TRAPPC9: variants seen among roughly 807,000 people sequenced by gnomAD.
TRAPPC9 encodes IKK2 binding protein.
A neutral mutation model predicts 124.0 loss-of-function variants in TRAPPC9; 83 were observed. The observed-to-expected ratio is 0.67, with a 90% CI of 0.56 to 0.80. The LOEUF (loss-of-function observed/expected upper bound fraction) is 0.80, where lower values mean the gene tolerates loss of function less well. Ranked by LOEUF, TRAPPC9 falls within the 30% of genes least tolerant of loss-of-function variation. The probability of loss-of-function intolerance (pLI) is 0.00; values close to 1 mark genes in which losing one functional copy is unlikely to be tolerated. For missense variants in TRAPPC9, 1,302 were observed against 1,508.3 expected (o/e 0.86, Z 2.27); for synonymous variants, 638 against 617.5 (o/e 1.03, Z -0.49).
intron 19 of TRAPPC9, chr8:139,932,621 A>G (rs1833254039): frequency 2.4e-6 from 1 of 422,758 alleles, no homozygotes; most frequent in African/African-American, 2.0e-5. Flanking sequence ...AAAATTAGCC[A>G]GGTGTGTTGG....
intron 17 of TRAPPC9, among the ~76,000 whole-genome samples, chr8:140,077,096 G>T (rs979777527): frequency 1.3e-5 from 2 of 151,996 alleles, no homozygotes; most frequent in Non-Finnish European, 2.9e-5. Flanking sequence ...AACCCAGGAG[G>T]TAAAGGATAC....
intron 21 of TRAPPC9, among the ~76,000 whole-genome samples, chr8:139,786,750 T>C (rs1422968971): frequency 6.6e-6 from 1 of 152,156 alleles, no homozygotes; most frequent in African/African-American, 2.4e-5. Context: ...TACCGGGACA[T>C]GCAAAAACAT....
At chr8:140,443,829 G>A (rs1311254170) in intron 2 of TRAPPC9, among the ~76,000 whole-genome samples, 1 of 151,772 alleles carries the variant, frequency 6.6e-6, no homozygotes, top group Non-Finnish European at 1.5e-5. Flanking sequence ...CTGAGGTCAG[G>A]AGTTTGAGAC....
intron 17 of TRAPPC9, among the ~76,000 whole-genome samples, chr8:140,053,567 T>C (rs1025029238): frequency 8.8e-6 from 1 of 113,218 alleles, no homozygotes; most frequent in African/African-American, 3.4e-5. Context: ...TGTAGATCTG[T>C]TAGGAACATT....
intron 21 of TRAPPC9, among the ~76,000 whole-genome samples, chr8:139,820,885 C>T (rs1825210086): frequency 6.6e-6 from 1 of 152,024 alleles, no homozygotes; most frequent in African/African-American, 2.4e-5. Context: ...AAATGAATTC[C>T]AGATGTTTTA....
rs1588026804 is a variant in TRAPPC9 at position 140,257,594 on chromosome 8, C to A, written c.2279-4665G>T. 6.6e-6 allele frequency among the ~76,000 whole-genome samples: 1 copy of A among 152,190 alleles called. No homozygotes were observed. Among genetic ancestry groups the A allele is most frequent in the Admixed American group, 6.5e-5 (1 of 15,272 alleles). On this transcript the variant is annotated intron_variant, in intron 15 of 22. Coordinates refer to ENST00000438773, the MANE Select transcript of TRAPPC9 (RefSeq NM_001160372.4). The surrounding 1 kb of genome is among the most constrained non-coding windows in gnomAD (Gnocchi z 4.6). ...GACATCTGGTGACACCTCCAATAGA[C>A]TCCTAGCATGGGGGGTCCCTGAATA...
intron 17 of TRAPPC9, among the ~76,000 whole-genome samples, chr8:140,108,237 G>A (rs2060702891): frequency 6.6e-6 from 1 of 152,160 alleles, no homozygotes; most frequent in Non-Finnish European, 1.5e-5. Flanking sequence ...TTAGTTATTT[G>A]GAAAACCAGA....
At chr8:140,072,559 GAGGAGGAGAAAGGA>G (rs1421657070) in intron 17 of TRAPPC9, among the ~76,000 whole-genome samples, 2 of 36,110 alleles carry the variant, frequency 5.5e-5, no homozygotes, top group East Asian at 9.3e-4. Flanking sequence ...AGAGGAGGAG[GAGGAGGAGAAAGGA>G]AGGAGGAGGA....
At position 139,881,709 on chromosome 8, in the gene TRAPPC9, T is replaced by C. The variant is rs186774613; in HGVS notation, c.3055+4170A>G. Among the ~76,000 whole-genome samples, 6 of 151,372 alleles carry C rather than the reference T, an allele frequency of 4.0e-5. No homozygotes were observed. The South Asian group carries it at 8.3e-4, about 21-fold the overall frequency. The stretch of plus-strand genomic sequence containing the variant: ...AGAAAAAAACAGCTGGCCTACCAAC[T>C]GCTAACCATCTCTCTATGCCATGCA... On this transcript the variant is annotated intron_variant, in intron 21 of 22. Coordinates refer to ENST00000438773, the MANE Select transcript of TRAPPC9 (RefSeq NM_001160372.4).
chr8:139,983,220 T>C (rs533194328), intron 19 of TRAPPC9, among the ~76,000 whole-genome samples: 1 of 152,238 alleles, frequency 6.6e-6, no homozygotes, highest in African/African-American at 2.4e-5. Context: ...CCACAGAATC[T>C]GCCCAGCGTC....
At chr8:139,944,974 A>G (rs1459856556) in intron 19 of TRAPPC9, among the ~76,000 whole-genome samples, 3 of 152,124 alleles carry the variant, frequency 2.0e-5, no homozygotes, top group Non-Finnish European at 4.4e-5. Context: ...AATACAAAAA[A>G]TTAGCTGGGT....
At chr8:140,233,348 G>T (rs1208698175) in intron 16 of TRAPPC9, among the ~76,000 whole-genome samples, 1 of 152,022 alleles carries the variant, frequency 6.6e-6, no homozygotes, top group Non-Finnish European at 1.5e-5. Flanking sequence ...GGGATCACAG[G>T]CCTCTGCCAC....
chr8:140,274,494 G>A (rs533883947), intron 15 of TRAPPC9, among the ~76,000 whole-genome samples: 1 of 152,318 alleles, frequency 6.6e-6, no homozygotes, highest in South Asian at 2.1e-4. Context: ...CAATGCGGAC[G>A]CAAAGCTTCG....
chr8:140,456,933 G>T, intron 1 of TRAPPC9: 1 of 614,060 alleles, frequency 1.6e-6, no homozygotes. Flanking sequence ...AGGGGTGGAG[G>T]GGATTGGGGT....
At chr8:140,394,811 C>T (rs1473718531) in intron 7 of TRAPPC9, among the ~76,000 whole-genome samples, 2 of 152,146 alleles carry the variant, frequency 1.3e-5, no homozygotes, top group Admixed American at 6.5e-5. Context: ...ACCACTCTGC[C>T]GGGTACTTTT....
At chr8:140,361,177 G>A (rs533253479) in intron 8 of TRAPPC9, among the ~76,000 whole-genome samples, 254 of 152,316 alleles carry the variant, frequency 1.7e-3, no homozygotes, top group Non-Finnish European at 2.3e-3. Flanking sequence ...AAACTGCCAC[G>A]CACTGAAAGT....
chr8:140,037,009 C>G (rs1033715615), intron 17 of TRAPPC9, among the ~76,000 whole-genome samples: 1 of 152,032 alleles, frequency 6.6e-6, no homozygotes, highest in Non-Finnish European at 1.5e-5. Flanking sequence ...CCCCCACCCC[C>G]GACAGGCCCT....
chr8:140,088,063 G>A (rs564871963), intron 17 of TRAPPC9, among the ~76,000 whole-genome samples: 1 of 152,148 alleles, frequency 6.6e-6, no homozygotes, highest in South Asian at 2.1e-4. Flanking sequence ...CTCCTCAAGA[G>A]ATGCTCCTTG....
chr8:139,935,133 C>T (rs142472305), intron 19 of TRAPPC9, among the ~76,000 whole-genome samples: 5 of 152,240 alleles, frequency 3.3e-5, no homozygotes, highest in East Asian at 1.9e-4. Flanking sequence ...CATCACCGTG[C>T]GAGAGAAGGT....
Sources: allele counts gnomAD v4.1 joint callset (sites outside exome capture counted in the v4.1 genomes callset), GRCh38; gene constraint gnomAD v4.1.1; non-coding constraint Gnocchi (gnomAD v3.1); transcripts MANE v1.5; gene names NCBI Gene and HGNC (gene_info 2026-07-23, HGNC 2026-07-21).